Variants in FRMD6 observed in about 807,000 individuals in gnomAD.
The protein encoded by FRMD6 is FERM domain containing 6.
FRMD6 carries 37 observed loss-of-function variants against 73.2 expected under a neutral mutation model. The ratio of observed to expected loss-of-function variants is 0.51; its 90% CI spans 0.39 to 0.66. The LOEUF is 0.66. Among genes scored for constraint, FRMD6 ranks in the 30% least tolerant of loss-of-function variants. The pLI, the probability that FRMD6 is intolerant of heterozygous loss-of-function variation, is 0.00. For synonymous variants in FRMD6, 273 were observed against 282.2 expected, an observed-to-expected ratio of 0.97 and a Z score of 0.33; for missense variants, 714 against 780.5, an observed-to-expected ratio of 0.91 and a Z score of 1.02.
the FRMD6 span, among the ~76,000 whole-genome samples, chr14:51,481,188 A>T: frequency 6.6e-6 from 1 of 152,170 alleles, no homozygotes; most frequent in Non-Finnish European, 1.5e-5. Flanking sequence ...TGAAAATATG[A>T]GGTATGTATT....
the FRMD6 span, among the ~76,000 whole-genome samples, chr14:51,462,048 G>T: frequency 2.6e-5 from 4 of 151,870 alleles, no homozygotes; most frequent in African/African-American, 9.7e-5. Flanking sequence ...AGGAAGAGAG[G>T]AAGGAAGGAA....
intron 1 of FRMD6, among the ~76,000 whole-genome samples, chr14:51,539,636 G>A (rs1886094737): frequency 6.6e-6 from 1 of 152,090 alleles, no homozygotes. Flanking sequence ...ATTCCAGAAT[G>A]GAATGTGATT....
At chr14:51,597,864 G>A (rs528359056) in intron 2 of FRMD6, among the ~76,000 whole-genome samples, 12 of 152,132 alleles carry the variant, frequency 7.9e-5, no homozygotes, top group Non-Finnish European at 1.3e-4. Flanking sequence ...GGAGTGCAGC[G>A]CCCAAGGCTG....
At chr14:51,726,137 C>T (rs1156493195) in intron 13 of FRMD6, among the ~76,000 whole-genome samples, 3 of 152,154 alleles carry the variant, frequency 2.0e-5, no homozygotes, top group Non-Finnish European at 2.9e-5. Context: ...AGGCTTCAGG[C>T]GAACCACGTG....
intron 2 of FRMD6, among the ~76,000 whole-genome samples, chr14:51,697,747 A>G (rs1038424772): frequency 1.3e-4 from 20 of 152,152 alleles, no homozygotes; most frequent in African/African-American, 4.1e-4. Flanking sequence ...AAATATATAC[A>G]ATTTTATTAG....
Position 51,688,630 on chromosome 14 carries a change from C to T in FRMD6, c.-146-1061C>T, listed in dbSNP as rs9323216. Among the ~76,000 whole-genome samples, 1,404 of 152,250 alleles carry T rather than the reference C, an allele frequency of 9.2e-3. 22 individuals carry two copies. The highest frequency in any genetic ancestry group is 0.032 in the African/African-American group (1,335 of 41,538). ...CCATATTCCTGGAAATAGTCTTTTA[C>T]GTCCTACAAATGTAGCTGGAAAGGA... On this transcript the variant is annotated intron_variant, in intron 1 of 13. Transcript: ENST00000344768.
At chr14:51,687,517 A>T (rs1895249117) in intron 1 of FRMD6, among the ~76,000 whole-genome samples, 1 of 152,194 alleles carries the variant, frequency 6.6e-6, no homozygotes, top group Non-Finnish European at 1.5e-5. Flanking sequence ...GGTATGCCTA[A>T]GAATATTGTT....
chr14:51,722,085 G>A lies in FRMD6; in HGVS notation c.1492+5G>A. The A allele has an allele frequency of 6.2e-7, 1 of 1,613,804 alleles. No homozygotes were observed. Among genetic ancestry groups the A allele is most frequent in the South Asian group, 1.1e-5 (1 of 91,036 alleles). On this transcript the variant is annotated splice_donor_5th_base_variant and intron_variant, in intron 12 of 13. Coordinates refer to ENST00000344768, the MANE Select transcript of FRMD6 (RefSeq NM_001267046.2). ...GGAAGCTGAATGGACACTCTGGTGAGCTCTTACGGGAAGTTATTCTTCCTT... is the reference window on the plus strand; with the variant it reads ...GGAAGCTGAATGGACACTCTGGTGAACTCTTACGGGAAGTTATTCTTCCTT...
chr14:51,410,613 G>A, the FRMD6 span, among the ~76,000 whole-genome samples: 3 of 152,082 alleles, frequency 2.0e-5, no homozygotes, highest in African/African-American at 7.2e-5. Context: ...ACATGTTCAA[G>A]GTCAGATATG....
chr14:51,546,241 T>G (rs1886456548), intron 1 of FRMD6, among the ~76,000 whole-genome samples: 1 of 152,122 alleles, frequency 6.6e-6, no homozygotes, highest in Non-Finnish European at 1.5e-5. Context: ...CACACCTTGA[T>G]GCAGGATCAC....
chr14:51,654,708 A>G (rs1233350065), intron 1 of FRMD6, among the ~76,000 whole-genome samples: 2 of 152,130 alleles, frequency 1.3e-5, no homozygotes, highest in Non-Finnish European at 2.9e-5. Context: ...GATGATCTCA[A>G]CAAGTTTTCC....
At chr14:51,719,924 T>TA in intron 10 of FRMD6, 131 bp from the exon 11 acceptor site, 1 of 682,984 alleles carries the variant, frequency 1.5e-6, no homozygotes, top group Non-Finnish European at 2.5e-6. Flanking sequence ...AATTCCTATC[T>TA]AAATTATTAC....
chr14:51,581,170 C>T (rs1888702337), intron 2 of FRMD6, among the ~76,000 whole-genome samples: 1 of 152,154 alleles, frequency 6.6e-6, no homozygotes, highest in African/African-American at 2.4e-5. Flanking sequence ...TAACCTGCCC[C>T]CATTCCCCTA....
upstream of FRMD6, chr14:51,651,878 C>A (rs1218255160): frequency 6.6e-6 from 1 of 150,938 alleles, no homozygotes; most frequent in South Asian, 2.1e-4. Context: ...GGACGCGGAG[C>A]GCCCCTCTGG....
intron 1 of FRMD6, among the ~76,000 whole-genome samples, chr14:51,566,638 C>T (rs1887790226): frequency 6.6e-6 from 1 of 152,148 alleles, no homozygotes; most frequent in Non-Finnish European, 1.5e-5. Context: ...CCACCATCCT[C>T]GAATATGCAT....
At chr14:51,572,255 G>A (rs926871899) in intron 2 of FRMD6, among the ~76,000 whole-genome samples, 1 of 152,250 alleles carries the variant, frequency 6.6e-6, no homozygotes, top group Admixed American at 6.5e-5. Context: ...CAGTGCAGAA[G>A]ATCAAAGGAC....
chr14:51,527,467 T>C (rs538948093), intron 1 of FRMD6, among the ~76,000 whole-genome samples: 52 of 152,300 alleles, frequency 3.4e-4, no homozygotes, highest in Non-Finnish European at 6.8e-4. Context: ...GATAGCCTTA[T>C]ATAAATATTT....
intron 1 of FRMD6, among the ~76,000 whole-genome samples, chr14:51,489,847 T>G (rs934236070): frequency 6.6e-6 from 1 of 152,220 alleles, no homozygotes; most frequent in African/African-American, 2.4e-5. Flanking sequence ...ATGCACCGTT[T>G]TATTCTAAAT....
chr14:51,571,374 A>G (rs75091500), intron 2 of FRMD6, among the ~76,000 whole-genome samples: 5,702 of 152,242 alleles, frequency 0.037, 146 homozygotes, highest in Non-Finnish European at 0.054. Context: ...TGAAGGATTT[A>G]TGTTGTCACA....
Sources: gnomAD v4.1 joint callset for allele counts (sites outside exome capture counted in the v4.1 genomes callset) on GRCh38, gnomAD v4.1.1 for gene constraint, MANE v1.5 for transcripts, NCBI Gene and HGNC (gene_info 2026-07-23, HGNC 2026-07-21) for gene names.